Variants in ADAM10 observed in about 807,000 individuals in gnomAD.
ADAM10 encodes disintegrin and metalloproteinase domain-containing protein 10.
In ADAM10, 17 loss-of-function variants were observed where a neutral mutation model predicts 90.1. That is an observed-to-expected ratio of 0.19 (90% CI 0.13 to 0.28). The LOEUF is 0.28. ADAM10 is among the 10% of genes least tolerant of loss of function. The pLI, the probability that ADAM10 is intolerant of heterozygous loss-of-function variation, is 1.00. For synonymous variants in ADAM10, 310 were observed against 298.6 expected, an observed-to-expected ratio of 1.04 and a Z score of -0.40; for missense variants, 610 against 914.3, an observed-to-expected ratio of 0.67 and a Z score of 4.29.
At chr15:58,609,552 T>A (rs1595987350) in intron 14 of ADAM10, 1 of 153,130 alleles carries the variant, frequency 6.5e-6, no homozygotes, top group Non-Finnish European at 1.5e-5. Context: ...ACACACTAAT[T>A]TGAGAAAGGG....
chr15:58,659,430 G>C (rs1896916484), intron 5 of ADAM10, among the ~76,000 whole-genome samples: 1 of 152,122 alleles, frequency 6.6e-6, no homozygotes, highest in Admixed American at 6.5e-5. Flanking sequence ...GTTGAGTGCT[G>C]AAATTTGGCA....
rs1461689242 is a variant in ADAM10 at position 58,677,359 on chromosome 15, TA to T, written c.484+1764del. Among the ~76,000 whole-genome samples, 54 of 152,282 alleles carry T rather than the reference TA, an allele frequency of 3.5e-4. 2 individuals are homozygous for T. The highest frequency in any genetic ancestry group is 1.1e-3 in the African/African-American group (47 of 41,566). ...AAGCTGATATCAATGATAAAGCATT[TA>T]AATGCCAAAAAGAACAAAAAATCAA... On this transcript the variant is annotated intron_variant, in intron 4 of 15. Coordinates refer to ENST00000260408, the MANE Select transcript of ADAM10 (RefSeq NM_001110.4).
intron 2 of ADAM10, 80 bp downstream of exon 2, chr15:58,717,497 A>T: frequency 2.5e-6 from 4 of 1,571,864 alleles, no homozygotes; most frequent in Non-Finnish European, 3.5e-6. Context: ...AGAGAAGGAA[A>T]ATTAAGGATA....
In ADAM10 at chr15:58,665,638, G is replaced by A. The variant is rs542902228; in HGVS notation, c.485-441C>T. On this transcript the variant is annotated intron_variant, in intron 4 of 15. Transcript: ENST00000260408. The stretch of plus-strand genomic sequence containing the variant: ...CCAAAACTCTTCCTACTCTTGGGAA[G>A]ATACTCCCCACCCCTCATTTCACAA... Among the ~76,000 whole-genome samples the A allele has an allele frequency of 9.9e-5, 15 of 152,120 alleles. No individual in the cohort carries two copies. In the South Asian group the frequency reaches 2.1e-3, roughly 21 times the overall value.
intron 2 of ADAM10, among the ~76,000 whole-genome samples, chr15:58,690,200 T>C (rs984124640): frequency 1.6e-4 from 25 of 152,268 alleles, no homozygotes; most frequent in Admixed American, 6.5e-4. Context: ...CTACTCATGA[T>C]AAAATTCTCA....
intron 14 of ADAM10, among the ~76,000 whole-genome samples, chr15:58,601,338 T>A (rs1362054020): frequency 6.6e-6 from 1 of 151,906 alleles, no homozygotes; most frequent in Non-Finnish European, 1.5e-5. Context: ...GGTGGGTGCC[T>A]GTAATTCCAC....
intron 10 of ADAM10, among the ~76,000 whole-genome samples, chr15:58,625,211 C>A (rs915233456): frequency 2.0e-5 from 3 of 151,892 alleles, no homozygotes; most frequent in Non-Finnish European, 4.4e-5. Flanking sequence ...GTGAAAAGGG[C>A]GAAAAGACAA....
intron 3 of ADAM10, among the ~76,000 whole-genome samples, chr15:58,681,182 A>G (rs750642416): frequency 9.9e-5 from 15 of 152,176 alleles, no homozygotes; most frequent in Non-Finnish European, 1.9e-4. Flanking sequence ...TCACCTAGCG[A>G]AAAAGGGCAG....
At position 58,597,356 on chromosome 15, in the gene ADAM10, C is replaced by A; in HGVS notation, c.*191G>T. ...AATTGGGTTCCTTTTCCACCTCCCACCCCCAAATTGGAATTTTCAGGCTTT... is the reference window on the plus strand; with the variant it reads ...AATTGGGTTCCTTTTCCACCTCCCAACCCCAAATTGGAATTTTCAGGCTTT... On this transcript the variant is annotated 3_prime_UTR_variant, in exon 16 of 16. Coordinates refer to ENST00000260408, the MANE Select transcript of ADAM10 (RefSeq NM_001110.4). 5 of 1,540,038 alleles carry A rather than the reference C, an allele frequency of 3.2e-6. No individual in the cohort carries two copies. The highest frequency in any genetic ancestry group is 2.2e-4 in the Middle Eastern group (1 of 4,586).
chr15:58,729,200 A>T (rs915865622), intron 1 of ADAM10, among the ~76,000 whole-genome samples: 23 of 151,984 alleles, frequency 1.5e-4, no homozygotes, highest in Admixed American at 9.2e-4. Flanking sequence ...TCTATTTTTT[A>T]AAAAAAAGAA....
intron 14 of ADAM10, among the ~76,000 whole-genome samples, chr15:58,605,933 C>T (rs1304265370): frequency 6.6e-6 from 1 of 151,890 alleles, no homozygotes; most frequent in African/African-American, 2.4e-5. Flanking sequence ...TATATGGTAA[C>T]AAAATGACAA....
chr15:58,689,994 C>CAT (rs1440991572), intron 2 of ADAM10, among the ~76,000 whole-genome samples: 2 of 120,210 alleles, frequency 1.7e-5, no homozygotes, highest in African/African-American at 6.7e-5. Flanking sequence ...TGAACATAAA[C>CAT]AAAAAAATCC....
intron 2 of ADAM10, among the ~76,000 whole-genome samples, chr15:58,705,085 T>A (rs1898240817): frequency 1.3e-5 from 2 of 152,206 alleles, no homozygotes; most frequent in Admixed American, 1.3e-4. Context: ...TTTACAATAT[T>A]ACCACAAAAA....
At position 58,589,832 on chromosome 15, in the gene ADAM10, G is replaced by C. The variant is rs1894788656; in HGVS notation, c.*7715C>G. The C allele has an allele frequency of 6.6e-6, 1 of 152,084 alleles. No individual in the cohort carries two copies. The highest frequency in any genetic ancestry group is 2.4e-5 in the African/African-American group (1 of 41,390). 9.4% of individuals were successfully genotyped at this position (152,084 alleles called of 1,614,324 possible). A position where few individuals can be genotyped will look rare whatever the true frequency, so the allele number is the denominator to read the frequency against. ...TGATAGTCATGATACAGACGCCCAG[G>C]TCTGAAAAGCGAAGCGCCTTTCACA... On this transcript the variant is annotated 3_prime_UTR_variant, in exon 16 of 16. Coordinates refer to ENST00000260408, the MANE Select transcript of ADAM10 (RefSeq NM_001110.4).
chr15:58,726,443 T>C (rs1899029167), intron 1 of ADAM10, among the ~76,000 whole-genome samples: 1 of 151,562 alleles, frequency 6.6e-6, no homozygotes, highest in African/African-American at 2.4e-5. Flanking sequence ...CAGGTGCATG[T>C]AATCCCAGCT....
intron 11 of ADAM10, among the ~76,000 whole-genome samples, chr15:58,617,363 T>C (rs1895646964): frequency 1.3e-5 from 2 of 152,014 alleles, no homozygotes; most frequent in Non-Finnish European, 2.9e-5. Flanking sequence ...ACATACAACT[T>C]ACCAAGATTG....
chr15:58,614,574 G>C (rs1438543003), intron 11 of ADAM10, among the ~76,000 whole-genome samples: 4 of 152,068 alleles, frequency 2.6e-5, no homozygotes, highest in African/African-American at 7.2e-5. Flanking sequence ...GAATCTATAA[G>C]ACTTTATTTG....
At chr15:58,713,567 A>T (rs1802272509) in intron 2 of ADAM10, among the ~76,000 whole-genome samples, 1 of 152,252 alleles carries the variant, frequency 6.6e-6, no homozygotes, top group Admixed American at 6.5e-5. Flanking sequence ...AGCATTGCTA[A>T]GTGAGCAATC....
In ADAM10 at chr15:58,592,559, T is replaced by G. The variant is rs1036304915; in HGVS notation, c.*4988A>C. The G allele has an allele frequency of 5.3e-5, 8 of 152,130 alleles. No individual in the cohort carries two copies. Among genetic ancestry groups the G allele is most frequent in the Non-Finnish European group, 1.0e-4 (7 of 68,030 alleles). 9.4% of individuals were successfully genotyped at this position (152,130 alleles called of 1,614,324 possible). ...TCTTTCTTACAGGTGGAATTAGTGA[T>G]TTATCCAAAGGAGTCTGGTTCCCTT... On this transcript the variant is annotated 3_prime_UTR_variant, in exon 16 of 16. Transcript: ENST00000260408.
Sources: gnomAD v4.1 joint callset for allele counts (sites outside exome capture counted in the v4.1 genomes callset) on GRCh38, gnomAD v4.1.1 for gene constraint, MANE v1.5 for transcripts, NCBI Gene and HGNC (gene_info 2026-07-23, HGNC 2026-07-21) for gene names.